Variants in WWC1 observed in about 807,000 individuals in gnomAD.
The protein encoded by WWC1 is protein KIBRA.
WWC1 carries 55 observed loss-of-function variants against 138.4 expected under a neutral mutation model. That is an observed-to-expected ratio of 0.40 (90% CI 0.32 to 0.50). The LOEUF is 0.50. Ranked by LOEUF, WWC1 falls within the 20% of genes least tolerant of loss-of-function variation. The pLI is 0.72. For synonymous variants in WWC1, 524 were observed against 564.9 expected, an observed-to-expected ratio of 0.93 and a Z score of 1.03; for missense variants, 1,226 against 1,420.4, an observed-to-expected ratio of 0.86 and a Z score of 2.20.
At chr5:168,359,175 C>T (rs1298935144) in intron 1 of WWC1, among the ~76,000 whole-genome samples, 1 of 152,038 alleles carries the variant, frequency 6.6e-6, no homozygotes, top group African/African-American at 2.4e-5. Context: ...CTCACCTCCA[C>T]CTCCCAAGTA....
At chr5:168,372,532 G>A (rs1209309017) in intron 2 of WWC1, among the ~76,000 whole-genome samples, 8 of 152,214 alleles carry the variant, frequency 5.3e-5, no homozygotes, top group African/African-American at 1.9e-4. Context: ...CACACAGTCT[G>A]TGCCGTGTCC....
At chr5:168,361,989 A>T (rs1030255531) in intron 1 of WWC1, among the ~76,000 whole-genome samples, 1 of 152,206 alleles carries the variant, frequency 6.6e-6, no homozygotes, top group East Asian at 1.9e-4. Context: ...AGGCTGAGGC[A>T]GGAGAATCGC....
intron 1 of WWC1, among the ~76,000 whole-genome samples, chr5:168,356,326 A>G (rs141973785): frequency 6.6e-6 from 1 of 152,378 alleles, no homozygotes; most frequent in East Asian, 1.9e-4. Flanking sequence ...CCGGAGGCCC[A>G]TGGAGGCAAG....
intron 2 of WWC1, among the ~76,000 whole-genome samples, chr5:168,372,388 C>T (rs1776830246): frequency 6.6e-6 from 1 of 152,192 alleles, no homozygotes; most frequent in Admixed American, 6.5e-5. Context: ...TTCAGCCTCA[C>T]TCTCAGCCTT....
rs150228214 is a variant in WWC1, at chr5:168,301,498, C to T, written c.119+9227C>T. Among the ~76,000 whole-genome samples, 926 of 152,134 alleles carry T rather than the reference C, an allele frequency of 6.1e-3. 10 individuals carry two copies. The highest frequency in any genetic ancestry group is 0.02 in the African/African-American group (845 of 41,502). On this transcript the variant is annotated intron_variant, in intron 1 of 22. Transcript: ENST00000265293. ...TAAATATACAAAAAAATTAGCCAGGCGTGGTAGCAGGCGCCTGTAATCCCA... is the reference window on the plus strand; with the variant it reads ...TAAATATACAAAAAAATTAGCCAGGTGTGGTAGCAGGCGCCTGTAATCCCA...
intron 3 of WWC1, among the ~76,000 whole-genome samples, chr5:168,386,004 G>A (rs1426811595): frequency 1.3e-5 from 2 of 151,540 alleles, no homozygotes; most frequent in Non-Finnish European, 2.9e-5. Context: ...TGAGCCCCCA[G>A]CCCCCCTTTC....
rs371508025 is a variant in WWC1 at position 168,456,882 on chromosome 5, T to G, written c.2823+1362T>G. Among the ~76,000 whole-genome samples the G allele has an allele frequency of 4.6e-5, 7 of 152,188 alleles. No individual in the cohort carries two copies. The East Asian group carries it at 7.7e-4, about 17-fold the overall frequency. ...TGGGAGATATAAGATAGAAGAACTT[T>G]GGTGAAATATTTATCTTTTCCACCT... On this transcript the variant is annotated intron_variant, in intron 19 of 22. Coordinates refer to ENST00000265293, the MANE Select transcript of WWC1 (RefSeq NM_015238.3).
chr5:168,410,931 C>CTTTTTTTTTTTTTT (rs1354123052), intron 8 of WWC1, among the ~76,000 whole-genome samples: 1 of 114,480 alleles, frequency 8.7e-6, no homozygotes, highest in Non-Finnish European at 1.8e-5. Context: ...ATGATCTTTG[C>CTTTTTTTTTTTTTT]TTTTTTTTTT....
At chr5:168,320,237 G>T (rs999066261) in intron 1 of WWC1, among the ~76,000 whole-genome samples, 1 of 152,080 alleles carries the variant, frequency 6.6e-6, no homozygotes, top group African/African-American at 2.4e-5. Context: ...GTTTCACCAT[G>T]TTGGCCAGGT....
At chr5:168,407,300 C>T (rs183323770) in intron 6 of WWC1, among the ~76,000 whole-genome samples, 1 of 151,218 alleles carries the variant, frequency 6.6e-6, no homozygotes. Context: ...TTAAATCAAC[C>T]CTAGTTTATC....
intron 1 of WWC1, among the ~76,000 whole-genome samples, chr5:168,324,849 A>C (rs999030619): frequency 1.1e-4 from 17 of 152,246 alleles, no homozygotes; most frequent in Admixed American, 2.6e-4. Flanking sequence ...ATACCATACC[A>C]ATACTAATCA....
At chr5:168,435,047 G>A (rs1250591304) in intron 15 of WWC1, among the ~76,000 whole-genome samples, 1 of 152,170 alleles carries the variant, frequency 6.6e-6, no homozygotes, top group Non-Finnish European at 1.5e-5. Context: ...ATTTGGAAAT[G>A]GTGATCACTC....
In WWC1 at chr5:168,414,353, C is replaced by T. The variant is rs778294452; in HGVS notation, c.947C>T (p.Ala316Val). ...LRYEEAKRRI[A>V]NLKIQLAKLD... ...CTTGCTTTCTTGGCCCCCAGGATCGCCAACCTGAAGATCCAGCTGGCCAAG... is the reference window on the plus strand; with the variant it reads ...CTTGCTTTCTTGGCCCCCAGGATCGTCAACCTGAAGATCCAGCTGGCCAAG... Residue 316 changes from alanine to valine, a missense_variant, in exon 9 of 23, where the codon GCC becomes GTC. By Grantham distance (64) the Ala-to-Val change is moderately conservative (BLOSUM62 0). Transcript: ENST00000265293. 8.1e-6 allele frequency: 13 copies of T among 1,612,322 alleles called. No individual in the cohort carries two copies. Among genetic ancestry groups the T allele is most frequent in the Non-Finnish European group, 1.1e-5 (13 of 1,179,428 alleles).
intron 3 of WWC1, 79 bp downstream of exon 3, chr5:168,385,493 C>T (rs1314305549): frequency 2.1e-6 from 3 of 1,428,526 alleles, no homozygotes; most frequent in Non-Finnish European, 9.5e-7. Context: ...TATTGCTTCT[C>T]AAGTCTGCCC....
chr5:168,465,108 G>A (rs1253831639), intron 21 of WWC1, 146 bp downstream of exon 21: 13 of 1,261,488 alleles, frequency 1.0e-5, no homozygotes, highest in South Asian at 3.2e-5. Context: ...CCCATCCCTC[G>A]TTCCCATCAG....
At chr5:168,389,817 T>C (rs533111117) in intron 3 of WWC1, among the ~76,000 whole-genome samples, 6 of 152,216 alleles carry the variant, frequency 3.9e-5, no homozygotes, top group Middle Eastern at 6.8e-3. Flanking sequence ...GAGCTGTGTA[T>C]TTTAGGGTGT....
chr5:168,413,840 T>G (rs1780397266), intron 8 of WWC1, among the ~76,000 whole-genome samples: 1 of 152,198 alleles, frequency 6.6e-6, no homozygotes, highest in Admixed American at 6.5e-5. Context: ...TTCTTATCTT[T>G]AAGGCCTGGG....
intron 15 of WWC1, among the ~76,000 whole-genome samples, chr5:168,436,588 C>T (rs988923697): frequency 6.6e-6 from 1 of 152,206 alleles, no homozygotes; most frequent in Non-Finnish European, 1.5e-5. Context: ...GGACCTCAAA[C>T]GAACATGGCC....
At chr5:168,429,254 C>G (rs990228204) in intron 13 of WWC1, among the ~76,000 whole-genome samples, 5 of 124,446 alleles carry the variant, frequency 4.0e-5, no homozygotes, top group South Asian at 2.9e-4. Context: ...GATATGATCT[C>G]AATTTTTTTT....
Sources: allele counts gnomAD v4.1 joint callset (sites outside exome capture counted in the v4.1 genomes callset), GRCh38; gene constraint gnomAD v4.1.1; transcripts MANE v1.5; gene names NCBI Gene and HGNC (gene_info 2026-07-23, HGNC 2026-07-21).